Variants in MED13 observed in about 807,000 individuals in gnomAD.
MED13 encodes the protein mediator of RNA polymerase II transcription subunit 13.
MED13 carries 23 observed loss-of-function variants against 225.2 expected under a neutral mutation model. The ratio of observed to expected loss-of-function variants is 0.10; its 90% CI spans 0.07 to 0.14. The LOEUF is 0.14. MED13 is among the 10% of genes least tolerant of loss of function. MED13 has a pLI of 1.00. For synonymous variants in MED13, 942 were observed against 889.2 expected (o/e 1.06, Z -1.06); for missense variants, 2,197 against 2,594.5 (o/e 0.85, Z 3.33).
chr17:61,949,631 CTTTT>C (rs2079880287), intron 28 of MED13, among the ~76,000 whole-genome samples: 1 of 152,014 alleles, frequency 6.6e-6, no homozygotes, highest in Non-Finnish European at 1.5e-5. Context: ...GCTAGAAAAA[CTTTT>C]TTAAGTAGTA....
rs1194578657 is a variant in MED13, at chr17:61,965,261, T to C, written c.4589A>G (p.Asn1530Ser). The C allele has an allele frequency of 3.1e-6, 5 of 1,614,068 alleles. No homozygotes were observed. Among genetic ancestry groups the C allele is most frequent in the Non-Finnish European group, 3.4e-6 (4 of 1,179,998 alleles). ...VAISTSVATA[N>S]STLTTASTSS... ...AGTTGAAGCTGTGGTCAAAGTTGAA[T>C]TAGCTGTGGCAACTGAAGTAGATAT... The change falls in exon 20 of 30, where the codon AAT becomes AGT. Residue 1530 changes from asparagine (N) to serine (S), a missense_variant. By Grantham distance (46) the Asn-to-Ser change is conservative. Transcript: ENST00000397786.
At chr17:61,946,771 A>T in intron 29 of MED13, 146 bp downstream of exon 29, 1 of 1,070,992 alleles carries the variant, frequency 9.3e-7, no homozygotes, top group Non-Finnish European at 1.4e-6. Context: ...AAAGTAGATT[A>T]CTCAAGTTAG....
intron 2 of MED13, among the ~76,000 whole-genome samples, chr17:62,057,463 G>C (rs897329380): frequency 2.6e-5 from 4 of 152,154 alleles, no homozygotes; most frequent in African/African-American, 9.7e-5. Context: ...TAGGAGACTA[G>C]CCAATTTAAA....
intron 20 of MED13, among the ~76,000 whole-genome samples, chr17:61,964,175 T>C (rs2080032857): frequency 6.6e-6 from 1 of 152,324 alleles, no homozygotes; most frequent in Non-Finnish European, 1.5e-5. Flanking sequence ...GTCATATGGG[T>C]ATCTGGACTA....
chr17:61,982,216 G>A lies in MED13; in HGVS notation c.3787C>T (p.Pro1263Ser), dbSNP rs1253459283. ...EALVKSSCLHPWSKRNDVSMQ... is the reference protein window; with the variant it reads ...EALVKSSCLHSWSKRNDVSMQ... The stretch of plus-strand genomic sequence containing the variant: ...ACTTTACCGTTTCTTTTGGACCAGG[G>A]GTGTAAGCATGAACTTTTCACAAGT... The change falls in exon 16 of 30, where the codon CCC (proline) becomes TCC (serine). Residue 1263 changes from proline to serine, a missense_variant. Pro to Ser is a moderately conservative substitution (Grantham distance 74, BLOSUM62 -1). Around this residue, in one of 12 missense-constraint regions of MED13, gnomAD observed 203 missense variants for 209.7 expected, o/e 0.97. Coordinates refer to ENST00000397786, the MANE Select transcript of MED13 (RefSeq NM_005121.3). 92 of 1,612,672 alleles carry A rather than the reference G, an allele frequency of 5.7e-5. No homozygotes were observed. Among genetic ancestry groups the A allele is most frequent in the Non-Finnish European group, 7.5e-5 (89 of 1,179,256 alleles).
At chr17:62,060,432 C>T (rs1283621081) in intron 2 of MED13, among the ~76,000 whole-genome samples, 1 of 152,064 alleles carries the variant, frequency 6.6e-6, no homozygotes, top group African/African-American at 2.4e-5. Context: ...ACCATCCTGT[C>T]TAACAGTGAA....
At chr17:62,053,624 CTAAATA>C (rs2080974171) in intron 2 of MED13, among the ~76,000 whole-genome samples, 2 of 152,116 alleles carry the variant, frequency 1.3e-5, no homozygotes, top group Non-Finnish European at 2.9e-5. Flanking sequence ...ATTGCTTAGT[CTAAATA>C]TAATTAACTC....
intron 9 of MED13, among the ~76,000 whole-genome samples, chr17:62,000,490 C>T (rs2080385171): frequency 6.6e-6 from 1 of 152,090 alleles, no homozygotes; most frequent in Non-Finnish European, 1.5e-5. Flanking sequence ...TCATGTAGTA[C>T]AAAAAGATGA....
intron 9 of MED13, among the ~76,000 whole-genome samples, chr17:62,001,442 TTA>T (rs2080394223): frequency 6.6e-6 from 1 of 152,222 alleles, no homozygotes. Flanking sequence ...TTCAATAACA[TTA>T]CTTGGTGAGT....
At chr17:61,949,549 G>A (rs995096267) in intron 28 of MED13, among the ~76,000 whole-genome samples, 5 of 151,894 alleles carry the variant, frequency 3.3e-5, no homozygotes, top group African/African-American at 9.7e-5. Flanking sequence ...AATAAATCAC[G>A]ATGAATCTGA....
intron 3 of MED13, among the ~76,000 whole-genome samples, chr17:62,040,947 T>C (rs2080847362): frequency 6.6e-6 from 1 of 152,186 alleles, no homozygotes; most frequent in African/African-American, 2.4e-5. Context: ...TGTAAAATAG[T>C]GCAGCCACCA....
intron 11 of MED13, among the ~76,000 whole-genome samples, chr17:61,992,241 C>G (rs557703289): frequency 6.6e-6 from 1 of 152,092 alleles, no homozygotes. Flanking sequence ...CTTCCTTTCA[C>G]GTAATTCCCA....
At chr17:61,988,610 T>C (rs768593711) in intron 11 of MED13, among the ~76,000 whole-genome samples, 4 of 152,210 alleles carry the variant, frequency 2.6e-5, no homozygotes, top group East Asian at 1.9e-4. Context: ...ATGTAGCATA[T>C]GTCTCACATT....
At chr17:62,039,749 G>A (rs963582060) in intron 3 of MED13, among the ~76,000 whole-genome samples, 6 of 151,868 alleles carry the variant, frequency 4.0e-5, no homozygotes, top group East Asian at 1.9e-4. Flanking sequence ...CTGCCACTGC[G>A]TCCGGCTAGT....
chr17:62,055,011 A>C (rs911783316), intron 2 of MED13, among the ~76,000 whole-genome samples: 2 of 152,220 alleles, frequency 1.3e-5, no homozygotes, highest in African/African-American at 4.8e-5. Flanking sequence ...TAAAACTAGA[A>C]AATGACTTTG....
In MED13 at chr17:62,000,265, G is replaced by A. The variant is rs116983515; in HGVS notation, c.1968-4900C>T. Among the ~76,000 whole-genome samples the A allele has an allele frequency of 6.5e-3, 995 of 152,252 alleles. 5 individuals are homozygous for A. The highest frequency in any genetic ancestry group is 0.034 in the Middle Eastern group (10 of 294). On this transcript the variant is annotated intron_variant, in intron 9 of 29. Coordinates refer to ENST00000397786, the MANE Select transcript of MED13 (RefSeq NM_005121.3). ...TAATTTTCTATGAAGTCACATACCTGTAAAAGTTCCACTATTATAAATCCA... is the reference window on the plus strand; with the variant it reads ...TAATTTTCTATGAAGTCACATACCTATAAAAGTTCCACTATTATAAATCCA...
Position 61,965,481 on chromosome 17 carries a change from A to T in MED13, c.4382-13T>A, listed in dbSNP as rs1296565047. The T allele has an allele frequency of 6.3e-7, 1 of 1,592,380 alleles. No individual in the cohort carries two copies. The highest frequency in any genetic ancestry group is 2.2e-5 in the East Asian group (1 of 44,628). On this transcript the variant is annotated splice_polypyrimidine_tract_variant and intron_variant, in intron 19 of 29. Coordinates refer to ENST00000397786, the MANE Select transcript of MED13 (RefSeq NM_005121.3). ...GCAAGATAAGGACCTAAAGAATAAA[A>T]ACAGGTACGAAATTTAATTCTTTAT...
intron 8 of MED13, among the ~76,000 whole-genome samples, chr17:62,017,706 C>T (rs2080596261): frequency 6.6e-6 from 1 of 152,160 alleles, no homozygotes; most frequent in South Asian, 2.1e-4. Flanking sequence ...CACCACCACA[C>T]ATTCAGTTTG....
At chr17:61,948,328 T>C (rs961426669) in intron 28 of MED13, among the ~76,000 whole-genome samples, 1 of 152,258 alleles carries the variant, frequency 6.6e-6, no homozygotes, top group Non-Finnish European at 1.5e-5. Context: ...CTTTATACTA[T>C]CCTTTCTGCA....
Sources: allele counts gnomAD v4.1 joint callset (sites outside exome capture counted in the v4.1 genomes callset), GRCh38; gene constraint gnomAD v4.1.1; regional missense constraint gnomAD v4.1.1; transcripts MANE v1.5; gene names NCBI Gene and HGNC (gene_info 2026-07-23, HGNC 2026-07-21).